Variants in MAPK8IP2 observed in about 807,000 individuals in gnomAD.
MAPK8IP2 encodes mitogen-activated protein kinase 8 interacting protein 2, also known as C-Jun-amino-terminal kinase-interacting protein 2.
MAPK8IP2 carries 15 observed loss-of-function variants against 75.6 expected under a neutral mutation model. The ratio of observed to expected loss-of-function variants is 0.20; its 90% CI spans 0.13 to 0.31. The LOEUF is 0.31. Ranked by LOEUF, MAPK8IP2 falls within the 10% of genes least tolerant of loss-of-function variation. MAPK8IP2 has a pLI of 1.00. For synonymous variants in MAPK8IP2, 632 were observed against 554.5 expected (o/e 1.14, Z -1.96); for missense variants, 1,089 against 1,211.2 (o/e 0.90, Z 1.50).
rs1020711813 is a variant in MAPK8IP2, at chr22:50,603,912, G to T, written c.613G>T (p.Asp205Tyr). Residue 205 changes from aspartate (D) to tyrosine (Y), a missense_variant, in exon 5 of 12, where the codon GAC (aspartate) becomes TAC (tyrosine). Physicochemically the swap from Asp to Tyr is radical, Grantham distance 160. Around this residue, in one of 2 missense-constraint regions of MAPK8IP2, gnomAD observed 960 missense variants for 1,009.6 expected, o/e 0.95. Transcript: ENST00000329492. ...GAQSPVRPGCDCEGNRPAEPP... is the reference protein window; with the variant it reads ...GAQSPVRPGCYCEGNRPAEPP... ...GCAGTCGCCAGTGCGCCCGGGTTGC[G>T]ACTGCGAAGGGAACCGGCCTGCGGA... is the stretch of plus-strand genomic sequence containing the variant. 5.2e-6 allele frequency: 8 copies of T among 1,537,570 alleles called. No homozygotes were observed. Among genetic ancestry groups the T allele is most frequent in the Non-Finnish European group, 7.0e-6 (8 of 1,145,348 alleles).
chr22:50,610,267 T>C lies in MAPK8IP2; in HGVS notation c.2359T>C (p.Phe787Leu). Residue 787 changes from phenylalanine (F) to leucine (L), a missense_variant, in exon 11 of 12, where the codon TTT becomes CTT. By Grantham distance (22) the Phe-to-Leu change is conservative. Around this residue, in one of 2 missense-constraint regions of MAPK8IP2, gnomAD observed 129 missense variants for 201.7 expected, o/e 0.64. Coordinates refer to ENST00000329492, the MANE Select transcript of MAPK8IP2 (RefSeq NM_012324.6). This position sits in a 1 kb window ranked among gnomAD's most constrained non-coding sequence, Gnocchi z 4.3. ...GCTGAGCCGCTTCGCCTGCCACGTC[T>C]TTGTCTCCCAGGAGTCCATGAGGCC... is the stretch of plus-strand genomic sequence containing the variant. ...PLLSRFACHV[F>L]VSQESMRPVA... 1 of 1,609,402 alleles carries C rather than the reference T, an allele frequency of 6.2e-7. No individual in the cohort carries two copies. Among genetic ancestry groups the C allele is most frequent in the South Asian group, 1.1e-5 (1 of 90,008 alleles).
At chr22:50,602,057 ACT>A (rs1426936211) in intron 2 of MAPK8IP2, among the ~76,000 whole-genome samples, 163 bp downstream of exon 2, 2 of 151,570 alleles carry the variant, frequency 1.3e-5, no homozygotes, top group East Asian at 1.9e-4. Context: ...CTTGGTATCA[ACT>A]CTCTCTTATT....
In MAPK8IP2 at chr22:50,603,932, T is replaced by C. The variant is rs1003486490; in HGVS notation, c.633T>C (p.Pro211=). The change falls in exon 5 of 12, where the codon CCT becomes CCC. Residue 211 remains proline, a synonymous_variant. Coordinates refer to ENST00000329492, the MANE Select transcript of MAPK8IP2 (RefSeq NM_012324.6). ...GTTGCGACTGCGAAGGGAACCGGCC[T>C]GCGGAACCCCCTGCGCCAGGGGGGA... ...RPGCDCEGNR[P]AEPPAPGGTS... 7 of 1,540,928 alleles carry C rather than the reference T, an allele frequency of 4.5e-6. No individual in the cohort carries two copies. Among genetic ancestry groups the C allele is most frequent in the Non-Finnish European group, 6.1e-6 (7 of 1,147,472 alleles).
In MAPK8IP2 at chr22:50,603,739, C is replaced by T. The variant is rs1289514226; in HGVS notation, c.541+20C>T. 4 of 1,552,722 alleles carry T rather than the reference C, an allele frequency of 2.6e-6. No homozygotes were observed. Among genetic ancestry groups the T allele is most frequent in the African/African-American group, 2.7e-5 (2 of 73,214 alleles). On this transcript the variant is annotated intron_variant, in intron 4 of 11. Transcript: ENST00000329492. ...TCAGAGGTGAGGGGTGGTGGGCCCG[C>T]GGGGCGCGGGGAAGCGGGGGAGGAG...
At chr22:50,601,560 G>A in intron 1 of MAPK8IP2, 1 of 507,164 alleles carries the variant, frequency 2.0e-6, no homozygotes, top group Non-Finnish European at 3.6e-6. Flanking sequence ...GGGTGGGAGG[G>A]GTGGGGGCAG....
intron 3 of MAPK8IP2, 36 bp from the exon 4 acceptor site, chr22:50,603,590 C>A: frequency 6.3e-7 from 1 of 1,583,846 alleles, no homozygotes; most frequent in East Asian, 2.3e-5. Flanking sequence ...GGGAGCTGGC[C>A]CTCCTCAGGA....
chr22:50,605,717 C>T lies in MAPK8IP2; in HGVS notation c.1997C>T (p.Pro666Leu). ...PAFYAHAVPGPAKDLLGSKRS... is the reference protein window; with the variant it reads ...PAFYAHAVPGLAKDLLGSKRS... ...TTCTACGCCCATGCGGTGCCCGGCC[C>T]TGCCAAGGACCTGCTGGGTGAGGTC... The change falls in exon 7 of 12, where the codon CCT (proline) becomes CTT (leucine). Residue 666 changes from proline to leucine, a missense_variant. By Grantham distance (98) the Pro-to-Leu change is moderately conservative. Coordinates refer to ENST00000329492, the MANE Select transcript of MAPK8IP2 (RefSeq NM_012324.6). 1 of 1,609,184 alleles carries T rather than the reference C, an allele frequency of 6.2e-7. No homozygotes were observed. The highest frequency in any genetic ancestry group is 8.5e-7 in the Non-Finnish European group (1 of 1,177,946).
intron 5 of MAPK8IP2, 88 bp from the exon 6 acceptor site, chr22:50,605,280 C>A: frequency 7.5e-7 from 1 of 1,327,796 alleles, no homozygotes; most frequent in Non-Finnish European, 1.1e-6. Context: ...GTGGAGGGGA[C>A]TTGGCCTCTG....
rs1214356675 is a variant in MAPK8IP2 at position 50,605,047 on chromosome 22, G to A, written c.1748G>A (p.Ser583Asn). ...AAGTTCCTCAATGTCTTCGTCAACA[G>A]CACATCTCGGTCCTCCAGTGAGTGA... ...SKKFLNVFVN[S>N]TSRSSSTESF... The change falls in exon 5 of 12, where the codon AGC (serine) becomes AAC (asparagine). Residue 583 changes from serine to asparagine, a missense_variant. Around this residue, in one of 2 missense-constraint regions of MAPK8IP2, gnomAD observed 960 missense variants for 1,009.6 expected, o/e 0.95. Transcript: ENST00000329492. The A allele has an allele frequency of 4.3e-6, 7 of 1,612,534 alleles. No homozygotes were observed. The highest frequency in any genetic ancestry group is 3.4e-6 in the Non-Finnish European group (4 of 1,179,830).
rs777290556 is a variant in MAPK8IP2 at position 50,607,972 on chromosome 22, G to T, written c.2303+981G>T. Among the ~76,000 whole-genome samples, 1 of 152,198 alleles carries T rather than the reference G, an allele frequency of 6.6e-6. No homozygotes were observed. The highest frequency in any genetic ancestry group is 1.5e-5 in the Non-Finnish European group (1 of 68,030). The stretch of plus-strand genomic sequence containing the variant: ...GTGTCCCAGCACCCTAGAGGAAGGA[G>T]ATCTGGGAGGAACCAGAGAGGCAGA... On this transcript the variant is annotated intron_variant, in intron 10 of 11. Coordinates refer to ENST00000329492, the MANE Select transcript of MAPK8IP2 (RefSeq NM_012324.6). The surrounding 1 kb of genome is among the most constrained non-coding windows in gnomAD (Gnocchi z 5.6).
chr22:50,605,176 T>A, intron 5 of MAPK8IP2, 112 bp downstream of exon 5: 1 of 1,356,994 alleles, frequency 7.4e-7, no homozygotes. Context: ...CTGGCTGTGG[T>A]CAGGGCTGGG....
rs2071037574 is a variant in MAPK8IP2 at position 50,605,672 on chromosome 22, A to G, written c.1952A>G (p.Glu651Gly). 6.2e-7 allele frequency: 1 copy of G among 1,612,244 alleles called. No individual in the cohort carries two copies. The highest frequency in any genetic ancestry group is 8.5e-7 in the Non-Finnish European group (1 of 1,179,622). The change falls in exon 7 of 12, where the codon GAG becomes GGG. Residue 651 changes from glutamate (E) to glycine (G), a missense_variant. Glu to Gly is a moderately conservative substitution (Grantham distance 98). Coordinates refer to ENST00000329492, the MANE Select transcript of MAPK8IP2 (RefSeq NM_012324.6). ...CGTGGCTTCAACATGCGCACGGGGGAGCGCGGTGTGTTTCCTGCCTTCTAC... is the reference window on the plus strand; with the variant it reads ...CGTGGCTTCAACATGCGCACGGGGGGGCGCGGTGTGTTTCCTGCCTTCTAC... ...WFRGFNMRTGERGVFPAFYAH... is the reference protein window; with the variant it reads ...WFRGFNMRTGGRGVFPAFYAH...
In MAPK8IP2 at chr22:50,601,898, G is replaced by A. The variant is rs1336464885; in HGVS notation, c.171+4G>A. 1.9e-6 allele frequency: 3 copies of A among 1,610,938 alleles called. No individual in the cohort carries two copies. The highest frequency in any genetic ancestry group is 2.2e-5 in the South Asian group (2 of 91,060). On this transcript the variant is annotated splice_donor_region_variant and intron_variant, in intron 2 of 11. Transcript: ENST00000329492. Reference sequence around the variant, plus strand: ...CGACTCAGACCACTGTGAGAAGGTGGGAGAAGAGTTGGGGACACAGATCCA... The same window carrying A: ...CGACTCAGACCACTGTGAGAAGGTGAGAGAAGAGTTGGGGACACAGATCCA...
rs760883087 is a variant in MAPK8IP2 at position 50,610,791 on chromosome 22, C to T, written c.*12C>T. The stretch of plus-strand genomic sequence containing the variant: ...TCTACCTGGAGTAGCCTGCCCACCG[C>T]TCTGTCTCCTGGCCGTCTGCTCCAG... On this transcript the variant is annotated 3_prime_UTR_variant, in exon 12 of 12. Coordinates refer to ENST00000329492, the MANE Select transcript of MAPK8IP2 (RefSeq NM_012324.6). The surrounding 1 kb of genome is among the most constrained non-coding windows in gnomAD (Gnocchi z 4.3). The T allele has an allele frequency of 1.3e-6, 2 of 1,597,548 alleles. No individual in the cohort carries two copies. The highest frequency in any genetic ancestry group is 3.5e-5 in the Admixed American group (2 of 57,820).
chr22:50,605,294 A>G (rs2146685872), intron 5 of MAPK8IP2, 74 bp from the exon 6 acceptor site: 2 of 1,452,266 alleles, frequency 1.4e-6, no homozygotes, highest in East Asian at 2.3e-5. Flanking sequence ...GCCTCTGCCC[A>G]AGGCCAGGCC....
In MAPK8IP2 at chr22:50,603,822, C is replaced by T; in HGVS notation, c.542-19C>T. The T allele has an allele frequency of 6.6e-7, 1 of 1,524,520 alleles. No individual in the cohort carries two copies. The highest frequency in any genetic ancestry group is 8.8e-7 in the Non-Finnish European group (1 of 1,133,756). The allele number at this position is 1,524,520 out of a possible 1,614,324, so 94.4% of individuals were successfully genotyped here. Reference sequence around the variant, plus strand: ...CCTGGGTGGTGCAGAGAGGGTGACCCCACCTCCCTGCCCAGCAGAGCTCCC... The same window carrying T: ...CCTGGGTGGTGCAGAGAGGGTGACCTCACCTCCCTGCCCAGCAGAGCTCCC... On this transcript the variant is annotated intron_variant, in intron 4 of 11. Transcript: ENST00000329492.
rs960134636 is a variant in MAPK8IP2, at chr22:50,606,513, T to C, written c.2125-145T>C. On this transcript the variant is annotated intron_variant, in intron 8 of 11. Transcript: ENST00000329492. The stretch of plus-strand genomic sequence containing the variant: ...GGAGTGGCCAAGGCCACACCCCTTA[T>C]GTCTTCCAGAATTGCATCTCAGGGT... 3.6e-5 allele frequency: 24 copies of C among 673,538 alleles called. No individual in the cohort carries two copies. In the South Asian group the frequency reaches 4.1e-4, roughly 12 times the overall value. The allele number at this position is 673,538 out of a possible 1,614,324, so 41.7% of individuals were successfully genotyped here.
intron 6 of MAPK8IP2, 41 bp downstream of exon 6, chr22:50,605,484 T>A (rs1394036450): frequency 6.2e-7 from 1 of 1,611,344 alleles, no homozygotes; most frequent in East Asian, 2.2e-5. Context: ...CCAGCCTCAG[T>A]CCCTGCCATC....
Position 50,603,926 on chromosome 22 carries a change from C to G in MAPK8IP2, c.627C>G (p.Asn209Lys). 6.5e-7 allele frequency: 1 copy of G among 1,539,948 alleles called. No homozygotes were observed. Among genetic ancestry groups the G allele is most frequent in the Non-Finnish European group, 8.7e-7 (1 of 1,146,654 alleles). ...PVRPGCDCEG[N>K]RPAEPPAPGG... The stretch of plus-strand genomic sequence containing the variant: ...GCCCGGGTTGCGACTGCGAAGGGAA[C>G]CGGCCTGCGGAACCCCCTGCGCCAG... Residue 209 changes from asparagine to lysine, a missense_variant, in exon 5 of 12, where the codon AAC becomes AAG. Transcript: ENST00000329492.
Sources: allele counts gnomAD v4.1 joint callset (sites outside exome capture counted in the v4.1 genomes callset), GRCh38; gene constraint gnomAD v4.1.1; regional missense constraint gnomAD v4.1.1; non-coding constraint Gnocchi (gnomAD v3.1); transcripts MANE v1.5; gene names NCBI Gene and HGNC (gene_info 2026-07-23, HGNC 2026-07-21).